The following ZNF726 variants were observed in gnomAD, a reference collection of about 807,000 sequenced individuals.
The protein encoded by ZNF726 is zinc finger protein 92 pseudogene 3.
In ZNF726, 15 loss-of-function variants were observed where a neutral mutation model predicts 11.6. The ratio of observed to expected loss-of-function variants is 1.29; its 90% CI spans 0.86 to 1.99. ZNF726 has a LOEUF of 1.99. ZNF726 is among the 30% of genes most tolerant of loss of function. The probability of loss-of-function intolerance (pLI) is 0.00; values close to 1 mark genes in which losing one functional copy is unlikely to be tolerated. For missense variants in ZNF726, 890 were observed against 725.6 expected (o/e 1.23, Z -2.60); for synonymous variants, 295 against 243.6 (o/e 1.21, Z -1.96).
At chr19:23,935,057 A>G (rs968488274), downstream of ZNF726, among the ~76,000 whole-genome samples, 4 of 152,208 alleles carry the variant, frequency 2.6e-5, no homozygotes, top group Non-Finnish European at 5.9e-5. Flanking sequence ...AAGTCTCAGA[A>G]TCATTTGAAT....
intron 3 of ZNF726, among the ~76,000 whole-genome samples, chr19:23,939,882 T>TTTTTTTTTTTTTTTTTTTTTTTTC (rs1968310143): frequency 6.7e-6 from 1 of 149,554 alleles, no homozygotes; most frequent in African/African-American, 2.5e-5. Context: ...TTTTTTTTTT[T>TTTTTTTTTTTTTTTTTTTTTTTTC]CTGACTGATT....
chr19:23,921,947 G>A (rs1967863600), intron 3 of ZNF726, among the ~76,000 whole-genome samples: 1 of 152,188 alleles, frequency 6.6e-6, no homozygotes, highest in Non-Finnish European at 1.5e-5. Flanking sequence ...TTGCGTTGGT[G>A]TCTGTAAATT....
Position 23,933,149 on chromosome 19 carries a change from G to A in ZNF726, c.1033G>A (p.Glu345Lys). Reference sequence around the variant, plus strand: ...TGGAGAGAAACCCTACAAATGTGAAGAATGTGCCAAAGCTTTTAGCCAATT... The same window carrying A: ...TGGAGAGAAACCCTACAAATGTGAAAAATGTGCCAAAGCTTTTAGCCAATT... ...HSGEKPYKCE[E>K]CAKAFSQFGH... The change falls in exon 4 of 4, where the codon GAA becomes AAA. Residue 345 changes from glutamate (E) to lysine (K), a missense_variant. By Grantham distance (56) the Glu-to-Lys change is moderately conservative. Transcript: ENST00000594466. The A allele has an allele frequency of 1.2e-6, 2 of 1,600,626 alleles. No individual in the cohort carries two copies. The highest frequency in any genetic ancestry group is 1.7e-6 in the Non-Finnish European group (2 of 1,173,444).
chr19:23,932,090 C>T (rs946172895), intron 3 of ZNF726, among the ~76,000 whole-genome samples: 9 of 152,062 alleles, frequency 5.9e-5, no homozygotes, highest in African/African-American at 1.9e-4. Context: ...TCTTTTTCTT[C>T]TATGTGGTTT....
chr19:23,930,964 A>AT (rs769098818), intron 3 of ZNF726, among the ~76,000 whole-genome samples: 6 of 151,900 alleles, frequency 3.9e-5, no homozygotes, highest in Non-Finnish European at 8.8e-5. Flanking sequence ...ACAGCTACCA[A>AT]TTTTTCCTTC....
downstream of ZNF726, chr19:23,934,579 T>A: frequency 2.9e-6 from 1 of 340,932 alleles, no homozygotes; most frequent in South Asian, 2.4e-5. Flanking sequence ...TCAAGAAGGG[T>A]GTACAGTGGT....
rs1967812848 is a variant in ZNF726 at position 23,920,323 on chromosome 19, T to G, written c.226+241T>G. 1.1e-5 allele frequency: 3 copies of G among 273,186 alleles called. No individual in the cohort carries two copies. The South Asian group carries it at 1.2e-4, about 11-fold the overall frequency. 16.9% of individuals were successfully genotyped at this position (273,186 alleles called of 1,614,324 possible). On this transcript the variant is annotated intron_variant, in intron 3 of 3. Coordinates refer to ENST00000594466, the MANE Select transcript of ZNF726 (RefSeq NM_001244038.2). Reference sequence around the variant, plus strand: ...ACGTTTACAGTGACAGCCAAAGTACTGTTCATGGCATATAAAAGAGTGTAC... The same window carrying G: ...ACGTTTACAGTGACAGCCAAAGTACGGTTCATGGCATATAAAAGAGTGTAC...
chr19:23,935,587 C>A, downstream of ZNF726: 2 of 311,266 alleles, frequency 6.4e-6, no homozygotes, highest in South Asian at 5.8e-5. Context: ...GCATCTCAAA[C>A]TTTTCTAAAC....
intron 1 of ZNF726, among the ~76,000 whole-genome samples, chr19:23,918,273 A>C (rs1226868071): frequency 6.6e-6 from 1 of 152,210 alleles, no homozygotes; most frequent in East Asian, 1.9e-4. Flanking sequence ...TAAGCAAGCT[A>C]AACTTTTGAA....
chr19:23,943,506 C>G (rs1486549775), exon 4 of ZNF726: 15 of 653,880 alleles, frequency 2.3e-5, no homozygotes, highest in Non-Finnish European at 4.2e-5. Context: ...CTTGCTGTCT[C>G]TAACCCTGAT....
At chr19:23,936,257 A>G (rs1207057777), downstream of ZNF726, 1 of 152,240 alleles carries the variant, frequency 6.6e-6, no homozygotes, top group Admixed American at 6.5e-5. Context: ...AGGGCACTCA[A>G]ACTTTAGACA....
At chr19:23,923,694 G>A (rs1002382262) in intron 3 of ZNF726, 1 of 163,240 alleles carries the variant, frequency 6.1e-6, no homozygotes, top group African/African-American at 2.4e-5. Flanking sequence ...AATTTAAAAT[G>A]CCTGCCTTCC....
At chr19:23,917,783 C>T (rs1287387286) in intron 1 of ZNF726, among the ~76,000 whole-genome samples, 5 of 152,058 alleles carry the variant, frequency 3.3e-5, no homozygotes, top group African/African-American at 4.8e-5. Context: ...AATGTTCTTT[C>T]GTTATATGAA....
At position 23,916,487 on chromosome 19, in the gene ZNF726, C is replaced by T. The variant is rs141882735; in HGVS notation, c.3+1490C>T. On this transcript the variant is annotated intron_variant, in intron 1 of 3. Coordinates refer to ENST00000594466, the MANE Select transcript of ZNF726 (RefSeq NM_001244038.2). ...CTGGAATTACAGATGCCTGGCACCA[C>T]GCCTGGCTAATTTTTGTAGTTTTAG... Among the ~76,000 whole-genome samples the T allele has an allele frequency of 7.9e-5, 12 of 152,202 alleles. No individual in the cohort carries two copies. In the East Asian group the frequency reaches 1.9e-3, roughly 25 times the overall value.
chr19:23,932,250 T>G, intron 3 of ZNF726, 93 bp from the exon 4 acceptor site: 1 of 1,017,772 alleles, frequency 9.8e-7, no homozygotes, highest in Non-Finnish European at 1.3e-6. Flanking sequence ...AACCATCTTG[T>G]TTTTGTAGGT....
chr19:23,925,928 G>T (rs577919265), intron 3 of ZNF726, among the ~76,000 whole-genome samples: 3 of 151,742 alleles, frequency 2.0e-5, no homozygotes, highest in Non-Finnish European at 4.4e-5. Context: ...TGTTGGTCAG[G>T]ATGGTCTGGA....
At chr19:23,938,088 G>A (rs1319332610), downstream of ZNF726, among the ~76,000 whole-genome samples, 1 of 152,098 alleles carries the variant, frequency 6.6e-6, no homozygotes, top group African/African-American at 2.4e-5. Flanking sequence ...TACACTATTT[G>A]GTAAGATAAT....
At chr19:23,921,913 CATTGACAATAAGAGACAATAGT>C (rs1967862258) in intron 3 of ZNF726, among the ~76,000 whole-genome samples, 1 of 152,186 alleles carries the variant, frequency 6.6e-6, no homozygotes, top group Non-Finnish European at 1.5e-5. Flanking sequence ...AAAATAGAAG[CATTGACAATAAGAGACAATAGT>C]ATTGCGTTGG....
chr19:23,922,630 G>A lies in ZNF726; in HGVS notation c.226+2548G>A, dbSNP rs900533787. On this transcript the variant is annotated intron_variant, in intron 3 of 3. Transcript: ENST00000594466. ...TGGTCATGTAGTTTGCAACCTGAACGGAGGCCTGCCTTCTAAACAGAATTA... is the reference window on the plus strand; with the variant it reads ...TGGTCATGTAGTTTGCAACCTGAACAGAGGCCTGCCTTCTAAACAGAATTA... 2.6e-5 allele frequency among the ~76,000 whole-genome samples: 4 copies of A among 152,266 alleles called. No individual in the cohort carries two copies. In the South Asian group the frequency reaches 6.2e-4, roughly 24 times the overall value.
Sources: allele counts gnomAD v4.1 joint callset (sites outside exome capture counted in the v4.1 genomes callset), GRCh38; gene constraint gnomAD v4.1.1; transcripts MANE v1.5; gene names NCBI Gene and HGNC (gene_info 2026-07-23, HGNC 2026-07-21).